ZBTB38: variants seen among roughly 807,000 people sequenced by gnomAD.
ZBTB38 encodes zinc finger and BTB domain-containing protein 38.
ZBTB38 carries 20 observed loss-of-function variants against 76.8 expected under a neutral mutation model. That is an observed-to-expected ratio of 0.26 (90% CI 0.18 to 0.38). The LOEUF (loss-of-function observed/expected upper bound fraction) is 0.38. Among genes scored for constraint, ZBTB38 ranks in the 10% least tolerant of loss-of-function variants. The pLI is 1.00. For missense variants in ZBTB38, 1,082 were observed against 1,482.3 expected, an observed-to-expected ratio of 0.73 and a Z score of 4.43; for synonymous variants, 504 against 544.2, an observed-to-expected ratio of 0.93 and a Z score of 1.03.
At chr3:141,411,673 G>A (rs138502792) in intron 5 of ZBTB38, among the ~76,000 whole-genome samples, 9 of 152,300 alleles carry the variant, frequency 5.9e-5, no homozygotes, top group African/African-American at 1.7e-4. Context: ...AGAACTGGCT[G>A]CCCCTGAGTG....
At chr3:141,429,210 G>A (rs994938837) in intron 5 of ZBTB38, among the ~76,000 whole-genome samples, 5 of 152,198 alleles carry the variant, frequency 3.3e-5, no homozygotes, top group African/African-American at 4.8e-5. Context: ...AAGGGGGATC[G>A]TGAGTACAGG....
At position 141,444,554 on chromosome 3, in the gene ZBTB38, G is replaced by C. The variant is rs1404550258; in HGVS notation, c.2166G>C (p.Gln722His). The C allele has an allele frequency of 6.2e-7, 1 of 1,614,066 alleles. No individual in the cohort carries two copies. Among genetic ancestry groups the C allele is most frequent in the East Asian group, 2.2e-5 (1 of 44,898 alleles). ...SAPSVIVHSS[Q>H]FSSVIMHSNA... Reference sequence around the variant, plus strand: ...CCTCGGTCATTGTACACAGCAGCCAGTTTTCATCGGTGATCATGCACAGCA... The same window carrying C: ...CCTCGGTCATTGTACACAGCAGCCACTTTTCATCGGTGATCATGCACAGCA... Residue 722 changes from glutamine to histidine, a missense_variant, in exon 6 of 6, where the codon CAG (glutamine) becomes CAC (histidine). Transcript: ENST00000321464. This position sits in a 1 kb window ranked among gnomAD's most constrained non-coding sequence, Gnocchi z 5.1.
At chr3:141,326,741 A>G (rs899297952) in intron 1 of ZBTB38, among the ~76,000 whole-genome samples, 3 of 152,172 alleles carry the variant, frequency 2.0e-5, no homozygotes, top group African/African-American at 7.2e-5. Flanking sequence ...ACAAAGTAGG[A>G]CTTTATTTAT....
At chr3:141,432,075 A>C in intron 5 of ZBTB38, 1 of 985,460 alleles carries the variant, frequency 1.0e-6, no homozygotes, top group Non-Finnish European at 1.2e-6. Context: ...TTGAGAAAAT[A>C]TACTGTAAAG....
At chr3:141,426,305 C>G in intron 5 of ZBTB38, 1 of 695,678 alleles carries the variant, frequency 1.4e-6, no homozygotes, top group Non-Finnish European at 2.2e-6. Context: ...TCAGTGATAT[C>G]ATTGATCTCA....
chr3:141,429,915 G>C (rs528151759), intron 5 of ZBTB38, among the ~76,000 whole-genome samples: 1 of 152,204 alleles, frequency 6.6e-6, no homozygotes. Context: ...GGGAGGGAAC[G>C]AGTGAGTCTG....
At chr3:141,337,086 G>T (rs1053670389) in intron 1 of ZBTB38, among the ~76,000 whole-genome samples, 4 of 152,152 alleles carry the variant, frequency 2.6e-5, no homozygotes, top group African/African-American at 9.7e-5. Context: ...GTCACTCCCC[G>T]CTTCTCTGAG....
intron 5 of ZBTB38, among the ~76,000 whole-genome samples, chr3:141,433,586 T>A (rs1483276257): frequency 6.6e-6 from 1 of 152,176 alleles, no homozygotes; most frequent in East Asian, 1.9e-4. Context: ...CTGTGATAAA[T>A]CCAACTGAAT....
intron 1 of ZBTB38, among the ~76,000 whole-genome samples, chr3:141,352,741 C>T (rs1307952257): frequency 6.6e-6 from 1 of 151,992 alleles, no homozygotes. Context: ...GAGAGTGAAG[C>T]CTGTATTTTC....
At chr3:141,342,576 A>T (rs1347953312) in intron 1 of ZBTB38, among the ~76,000 whole-genome samples, 1 of 152,090 alleles carries the variant, frequency 6.6e-6, no homozygotes, top group African/African-American at 2.4e-5. Flanking sequence ...AACCCTGGTG[A>T]CACTTGAGAA....
chr3:141,325,806 G>A (rs1221063615), intron 1 of ZBTB38, among the ~76,000 whole-genome samples: 10 of 152,172 alleles, frequency 6.6e-5, no homozygotes, highest in African/African-American at 1.2e-4. Flanking sequence ...TTAAGCAGAC[G>A]ATGGCTGGTG....
chr3:141,347,344 T>A (rs1943392709), intron 1 of ZBTB38, among the ~76,000 whole-genome samples: 2 of 152,208 alleles, frequency 1.3e-5, no homozygotes, highest in Non-Finnish European at 2.9e-5. Context: ...TTGAACCTGA[T>A]CTGAATTCAT....
intron 1 of ZBTB38, among the ~76,000 whole-genome samples, chr3:141,335,991 C>A (rs1395851475): frequency 2.0e-5 from 3 of 152,112 alleles, no homozygotes; most frequent in Non-Finnish European, 4.4e-5. Flanking sequence ...ATCATATATT[C>A]TTTTCATTTT....
intron 5 of ZBTB38, among the ~76,000 whole-genome samples, chr3:141,435,695 G>A (rs1381911311): frequency 6.6e-6 from 1 of 151,974 alleles, no homozygotes; most frequent in Non-Finnish European, 1.5e-5. Context: ...TGGAGGCGGA[G>A]GTTGTAGTGA....
Position 141,442,916 on chromosome 3 carries a change from T to A in ZBTB38, c.528T>A (p.Ser176Arg). The A allele has an allele frequency of 6.2e-7, 1 of 1,614,140 alleles. No homozygotes were observed. The highest frequency in any genetic ancestry group is 1.3e-5 in the African/African-American group (1 of 75,020). The change falls in exon 6 of 6, where the codon AGT (serine) becomes AGA (arginine). Residue 176 changes from serine (S) to arginine (R), a missense_variant. Coordinates refer to ENST00000321464, the MANE Select transcript of ZBTB38 (RefSeq NM_001376113.1). This position sits in a 1 kb window ranked among gnomAD's most constrained non-coding sequence, Gnocchi z 6.4. Reference protein sequence around the residue: ...NAFSIIETENSNNMFSPLDLR... With the variant: ...NAFSIIETENRNNMFSPLDLR... ...TTTCCATCATCGAAACAGAAAATAG[T>A]AATAACATGTTTTCCCCGCTGGACT...
intron 2 of ZBTB38, among the ~76,000 whole-genome samples, chr3:141,370,177 C>T (rs2149001292): frequency 6.6e-6 from 1 of 152,340 alleles, no homozygotes. Context: ...CAGTACAGGT[C>T]AGTGGGGCAA....
chr3:141,382,571 T>C (rs998854194), intron 3 of ZBTB38, among the ~76,000 whole-genome samples: 1 of 152,186 alleles, frequency 6.6e-6, no homozygotes, highest in Admixed American at 6.5e-5. Context: ...CTGAAATATA[T>C]TTATGTCATT....
chr3:141,430,316 C>T lies in ZBTB38; in HGVS notation c.1-12073C>T, dbSNP rs542071333. On this transcript the variant is annotated intron_variant, in intron 5 of 5. Transcript: ENST00000321464. Reference sequence around the variant, plus strand: ...TCCTGACCTCAGGTGATCCACCTGCCTCAGCCTCCCAGAGTGCTGGGATTA... The same window carrying T: ...TCCTGACCTCAGGTGATCCACCTGCTTCAGCCTCCCAGAGTGCTGGGATTA... Among the ~76,000 whole-genome samples the T allele has an allele frequency of 2.6e-5, 4 of 152,294 alleles. No individual in the cohort carries two copies. The East Asian group carries it at 7.7e-4, about 29-fold the overall frequency.
chr3:141,373,488 T>TC (rs1385581702), intron 2 of ZBTB38, among the ~76,000 whole-genome samples: 2 of 152,314 alleles, frequency 1.3e-5, no homozygotes, highest in Admixed American at 1.3e-4. Flanking sequence ...GTGTGCAAGC[T>TC]CCTTTCTCCC....
Sources: allele counts gnomAD v4.1 joint callset (sites outside exome capture counted in the v4.1 genomes callset), GRCh38; gene constraint gnomAD v4.1.1; non-coding constraint Gnocchi (gnomAD v3.1); transcripts MANE v1.5; gene names NCBI Gene and HGNC (gene_info 2026-07-23, HGNC 2026-07-21).